TRPC5: variants seen among roughly 807,000 people sequenced by gnomAD.
The protein encoded by TRPC5 is short transient receptor potential channel 5.
In TRPC5, 9 loss-of-function variants were observed where a neutral mutation model predicts 56.5. The observed-to-expected ratio is 0.16, with a 90% CI of 0.10 to 0.28. TRPC5 has a LOEUF of 0.28. Ranked by LOEUF, TRPC5 falls within the 10% of genes least tolerant of loss-of-function variation. The probability of loss-of-function intolerance (pLI) is 1.00; values close to 1 mark genes in which losing one functional copy is unlikely to be tolerated. For synonymous variants in TRPC5, 282 were observed against 278.5 expected (o/e 1.01, Z -0.13); for missense variants, 469 against 748.9 (o/e 0.63, Z 4.36).
At chrX:111,942,046 C>G (rs1289685919) in intron 2 of TRPC5, among the ~76,000 whole-genome samples, 1 of 112,149 alleles carries the variant, frequency 8.9e-6, no homozygotes, top group African/African-American at 3.2e-5. Context: ...CAGGGTGCTT[C>G]ACTTCCCTCT....
intron 3 of TRPC5, among the ~76,000 whole-genome samples, chrX:111,907,224 GTTAAT>G (rs769632524): frequency 1.9e-3 from 216 of 110,866 alleles, no homozygotes; most frequent in African/African-American, 6.9e-3. Flanking sequence ...CACTTAAGAT[GTTAAT>G]ATGTTTTTTT....
chrX:112,001,150 C>T (rs1484157990), intron 1 of TRPC5, among the ~76,000 whole-genome samples: 1 of 111,920 alleles, frequency 8.9e-6, no homozygotes, highest in African/African-American at 3.3e-5. Context: ...GCAGTTAGAT[C>T]CCTAGTTTTC....
chrX:111,843,083 G>T (rs773869165), intron 6 of TRPC5, among the ~76,000 whole-genome samples: 177 of 112,211 alleles, frequency 1.6e-3, no homozygotes, highest in African/African-American at 5.5e-3. Context: ...ATGGGTGAAG[G>T]ATTTACAGAT....
chrX:111,789,854 A>G lies in TRPC5; in HGVS notation c.1897-7716T>C, dbSNP rs747448484. Among the ~76,000 whole-genome samples the G allele has an allele frequency of 1.4e-4, 16 of 112,702 alleles. No individual in the cohort carries two copies. The South Asian group carries it at 1.5e-3, about 10-fold the overall frequency. ...CAGAGAAATGCAAATCAAAACCACAATAAGATACCATCTCATGCCAGTTAG... is the reference window on the plus strand; with the variant it reads ...CAGAGAAATGCAAATCAAAACCACAGTAAGATACCATCTCATGCCAGTTAG... On this transcript the variant is annotated intron_variant, in intron 7 of 10. Coordinates refer to ENST00000262839, the MANE Select transcript of TRPC5 (RefSeq NM_012471.3).
chrX:111,805,561 T>G (rs1417238088), intron 7 of TRPC5, among the ~76,000 whole-genome samples: 1 of 111,893 alleles, frequency 8.9e-6, no homozygotes, highest in African/African-American at 3.2e-5. Context: ...TCAAGCTGTA[T>G]TTTTTGAGAC....
chrX:112,000,702 T>C (rs1490813035), intron 1 of TRPC5, among the ~76,000 whole-genome samples: 1 of 112,456 alleles, frequency 8.9e-6, no homozygotes, highest in Non-Finnish European at 1.9e-5. Flanking sequence ...AACATGTAGA[T>C]ACCTACAACA....
intron 2 of TRPC5, among the ~76,000 whole-genome samples, chrX:111,913,387 G>A (rs1229224967): frequency 1.8e-5 from 2 of 111,330 alleles, no homozygotes; most frequent in Admixed American, 9.5e-5. Context: ...GGGGACCAAA[G>A]CCCAAGGCCA....
intron 7 of TRPC5, among the ~76,000 whole-genome samples, chrX:111,807,952 C>CTGTGTG (rs1251135483): frequency 3.6e-5 from 3 of 82,239 alleles, no homozygotes; most frequent in African/African-American, 3.4e-4. Flanking sequence ...CTCTCTCTCT[C>CTGTGTG]TCTCTGTGTG....
intron 3 of TRPC5, among the ~76,000 whole-genome samples, chrX:111,885,036 T>C (rs1924410119): frequency 8.9e-6 from 1 of 112,918 alleles, no homozygotes; most frequent in Admixed American, 9.3e-5. Context: ...AGTCAGAGTC[T>C]AGTTAAGGCA....
chrX:111,911,922 A>G (rs1403863276), intron 3 of TRPC5, among the ~76,000 whole-genome samples: 2 of 111,866 alleles, frequency 1.8e-5, no homozygotes, highest in South Asian at 3.8e-4. Context: ...TTCAGAGTAC[A>G]TATCTTAGTA....
chrX:111,958,392 A>T (rs1927290101), intron 1 of TRPC5, among the ~76,000 whole-genome samples: 1 of 111,826 alleles, frequency 8.9e-6, no homozygotes, highest in Non-Finnish European at 1.9e-5. Context: ...GGCTCTCCCA[A>T]CCCAAATGTA....
intron 1 of TRPC5, among the ~76,000 whole-genome samples, chrX:112,029,698 G>T (rs1187540575): frequency 8.9e-6 from 1 of 111,871 alleles, no homozygotes; most frequent in African/African-American, 3.3e-5. Context: ...TAACTGGAGT[G>T]AACTGTCTCT....
intron 1 of TRPC5, among the ~76,000 whole-genome samples, chrX:112,014,133 G>A (rs750634234): frequency 5.7e-4 from 64 of 111,511 alleles, no homozygotes; most frequent in African/African-American, 2.0e-3. Context: ...AAGTTCCCAG[G>A]TGCTGCTGGT....
chrX:112,066,097 G>A (rs766705731), intron 1 of TRPC5, among the ~76,000 whole-genome samples: 11 of 104,581 alleles, frequency 1.1e-4, no homozygotes, highest in African/African-American at 1.4e-4. Flanking sequence ...CTCTGCTTGT[G>A]AATACCTACT....
At chrX:112,021,459 T>G (rs762879053) in intron 1 of TRPC5, among the ~76,000 whole-genome samples, 1 of 112,234 alleles carries the variant, frequency 8.9e-6, no homozygotes, top group African/African-American at 3.2e-5. Context: ...TATTCATAAA[T>G]TTTGCTACTC....
At chrX:111,914,178 AT>A (rs1925907253) in intron 2 of TRPC5, among the ~76,000 whole-genome samples, 1 of 110,977 alleles carries the variant, frequency 9.0e-6, no homozygotes, top group Admixed American at 9.6e-5. Flanking sequence ...ATTGGGAAAT[AT>A]TGATTTTTAT....
At position 111,909,143 on chromosome X, in the gene TRPC5, TA is replaced by T. The variant is rs1222788991; in HGVS notation, c.900+3147del. Among the ~76,000 whole-genome samples, 17 of 56,065 alleles carry T rather than the reference TA, an allele frequency of 3.0e-4. No individual in the cohort carries two copies. The South Asian group carries it at 6.2e-3, about 20-fold the overall frequency. The allele number at this position is 56,065 out of a possible 115,157, so 48.7% of individuals were successfully genotyped here. ...TACTAAAAATAAATAAATAAATAAA[TA>T]AATTAATTAAAAAAAAAAAAAAAAA... On this transcript the variant is annotated intron_variant, in intron 3 of 10. Coordinates refer to ENST00000262839, the MANE Select transcript of TRPC5 (RefSeq NM_012471.3).
At chrX:111,936,884 G>A (rs1446865171) in intron 2 of TRPC5, among the ~76,000 whole-genome samples, 2 of 100,491 alleles carry the variant, frequency 2.0e-5, no homozygotes, top group African/African-American at 7.8e-5. Flanking sequence ...TGGGTCAAAT[G>A]GTATTTCTAG....
chrX:112,003,257 T>C lies in TRPC5; in HGVS notation c.-21-50816A>G, dbSNP rs2238996. 1.2e-3 allele frequency among the ~76,000 whole-genome samples: 129 copies of C among 111,925 alleles called. 3 individuals carry two copies. The East Asian group carries it at 0.034, about 29-fold the overall frequency. ...ACACAATTATAAACGAAGATAAATA[T>C]TCTGAAGGCAAGGAATACAGTTCTA... On this transcript the variant is annotated intron_variant, in intron 1 of 10. Transcript: ENST00000262839.
Sources: allele counts gnomAD v4.1 joint callset (sites outside exome capture counted in the v4.1 genomes callset), GRCh38; gene constraint gnomAD v4.1.1; transcripts MANE v1.5; gene names NCBI Gene and HGNC (gene_info 2026-07-23, HGNC 2026-07-21).